Variants in NCAM1 observed in about 807,000 individuals in gnomAD.
NCAM1 encodes the protein antigen recognized by monoclonal antibody 5.1H11.
NCAM1 carries 14 observed loss-of-function variants against 109.8 expected under a neutral mutation model. The observed-to-expected ratio is 0.13, with a 90% CI of 0.08 to 0.20. The LOEUF is 0.20. Ranked by LOEUF, NCAM1 falls within the 10% of genes least tolerant of loss-of-function variation. The probability of loss-of-function intolerance (pLI) is 1.00; values close to 1 mark genes in which losing one functional copy is unlikely to be tolerated. For synonymous variants in NCAM1, 418 were observed against 442.9 expected, an observed-to-expected ratio of 0.94 and a Z score of 0.70; for missense variants, 774 against 1,109.9, an observed-to-expected ratio of 0.70 and a Z score of 4.30.
At chr11:113,177,714 A>C (rs1006178937) in intron 1 of NCAM1, among the ~76,000 whole-genome samples, 1 of 152,094 alleles carries the variant, frequency 6.6e-6, no homozygotes, top group South Asian at 2.1e-4. Context: ...GATTACAGGC[A>C]TGAGGCACCG....
intron 1 of NCAM1, among the ~76,000 whole-genome samples, chr11:113,074,048 G>A (rs550310094): frequency 2.9e-4 from 44 of 152,238 alleles, no homozygotes; most frequent in Non-Finnish European, 5.0e-4. Flanking sequence ...GAAACACGTC[G>A]GTGTGGAAGT....
At chr11:113,122,613 A>G (rs1014882875) in intron 1 of NCAM1, among the ~76,000 whole-genome samples, 12 of 151,990 alleles carry the variant, frequency 7.9e-5, no homozygotes, top group Admixed American at 3.3e-4. Context: ...TAGAAACCCC[A>G]TCTCTACTAA....
intron 17 of NCAM1, among the ~76,000 whole-genome samples, chr11:113,268,675 A>G (rs1946195464): frequency 6.6e-6 from 1 of 152,144 alleles, no homozygotes; most frequent in Non-Finnish European, 1.5e-5. Context: ...AGCCATCAAT[A>G]CCACCACCCT....
intron 1 of NCAM1, among the ~76,000 whole-genome samples, chr11:113,134,230 A>G (rs1403359222): frequency 6.6e-6 from 1 of 152,192 alleles, no homozygotes; most frequent in African/African-American, 2.4e-5. Flanking sequence ...GTGGACTCAC[A>G]TAGTATTTGT....
intron 1 of NCAM1, among the ~76,000 whole-genome samples, chr11:113,192,805 T>G (rs1374210395): frequency 6.6e-6 from 1 of 152,180 alleles, no homozygotes; most frequent in East Asian, 1.9e-4. Flanking sequence ...TTCCTACCTA[T>G]AAAATGAACG....
chr11:112,983,137 A>G (rs1436275473), intron 1 of NCAM1, among the ~76,000 whole-genome samples: 9 of 152,116 alleles, frequency 5.9e-5, no homozygotes, highest in Admixed American at 2.0e-4. Context: ...CCCTTTTTAT[A>G]TGGTGGTACT....
chr11:113,240,592 G>T (rs1945291662), intron 14 of NCAM1: 2 of 608,496 alleles, frequency 3.3e-6, no homozygotes, highest in Non-Finnish European at 2.9e-6. Context: ...CAGTCTCAAG[G>T]TTTGACGTTA....
At chr11:113,263,331 C>T in intron 17 of NCAM1, 3 of 1,003,330 alleles carry the variant, frequency 3.0e-6, no homozygotes, top group Non-Finnish European at 3.6e-6. Flanking sequence ...TTGTTAAAAT[C>T]ACCACACATT....
chr11:113,036,885 G>A (rs533714922), intron 1 of NCAM1, among the ~76,000 whole-genome samples: 1 of 152,144 alleles, frequency 6.6e-6, no homozygotes, highest in East Asian at 1.9e-4. Flanking sequence ...TTGATCCCTG[G>A]CCCAGTCTTT....
At chr11:113,180,225 G>T (rs782175633) in intron 1 of NCAM1, among the ~76,000 whole-genome samples, 2 of 152,224 alleles carry the variant, frequency 1.3e-5, no homozygotes, top group African/African-American at 4.8e-5. Context: ...CTCAGAGGTT[G>T]CAGAGAACAG....
chr11:113,169,050 G>T (rs920066005), intron 1 of NCAM1, among the ~76,000 whole-genome samples: 1 of 104,516 alleles, frequency 9.6e-6, no homozygotes, highest in Non-Finnish European at 2.4e-5. Context: ...GTGTGTGTGT[G>T]TGTGTGTGTG....
chr11:113,098,899 A>G (rs1245658601), intron 1 of NCAM1, among the ~76,000 whole-genome samples: 1 of 152,230 alleles, frequency 6.6e-6, no homozygotes, highest in Non-Finnish European at 1.5e-5. Context: ...AGGACTGGAC[A>G]GTCCTCAGGT....
At chr11:113,113,710 G>A (rs1311789725) in intron 1 of NCAM1, among the ~76,000 whole-genome samples, 2 of 152,068 alleles carry the variant, frequency 1.3e-5, no homozygotes, top group South Asian at 2.1e-4. Flanking sequence ...ACTTTCCAAA[G>A]CTTCATTAGC....
chr11:113,213,545 C>T (rs1318654614), intron 7 of NCAM1, among the ~76,000 whole-genome samples: 1 of 152,188 alleles, frequency 6.6e-6, no homozygotes, highest in Non-Finnish European at 1.5e-5. Context: ...TTAATGCTAA[C>T]ACCCTTCTCC....
chr11:113,216,596 T>C (rs1196452734), intron 8 of NCAM1, among the ~76,000 whole-genome samples: 1 of 152,226 alleles, frequency 6.6e-6, no homozygotes, highest in Non-Finnish European at 1.5e-5. Context: ...CTATAGATCA[T>C]TTGTCTTAAT....
rs1389480369 is a variant in NCAM1 at position 113,000,856 on chromosome 11, A to AAAAATAT, written c.52+39193_52+39194insAAATATA. Among the ~76,000 whole-genome samples the AAAAATAT allele has an allele frequency of 4.6e-3, 204 of 44,608 alleles. 1 individual carries two copies. Among genetic ancestry groups the AAAAATAT allele is most frequent in the Non-Finnish European group, 5.8e-3 (135 of 23,140 alleles). 29.3% of individuals were successfully genotyped at this position (44,608 alleles called of 152,430 possible). ...TATATATATATATATATACACAAAAAATATATATATATATACACATACACG... is the reference window on the plus strand; with the variant it reads ...TATATATATATATATATACACAAAAAAAAATATATATATATATATATACACATACACG... On this transcript the variant is annotated intron_variant, in intron 1 of 19. Transcript: ENST00000316851.
At chr11:113,223,147 C>A (rs187107476) in intron 9 of NCAM1, among the ~76,000 whole-genome samples, 83 of 152,324 alleles carry the variant, frequency 5.4e-4, no homozygotes, top group Admixed American at 1.7e-3. Context: ...CAGAGCTCAT[C>A]TCCTCCTTCT....
Position 113,206,460 on chromosome 11 carries a change from C to T in NCAM1, c.628+280C>T, listed in dbSNP as rs530298814. On this transcript the variant is annotated intron_variant, in intron 5 of 19. Coordinates refer to ENST00000316851, the MANE Select transcript of NCAM1 (RefSeq NM_181351.5). ...CACTAAAAACTTTCCCCCTGCTTAC[C>T]TATTAATCCTCATTGTCCTTGATGT... Among the ~76,000 whole-genome samples, 275 of 150,060 alleles carry T rather than the reference C, an allele frequency of 1.8e-3. 2 individuals are homozygous for T. The highest frequency in any genetic ancestry group is 6.2e-3 in the African/African-American group (256 of 41,014).
chr11:113,161,394 C>A (rs1555104382), intron 1 of NCAM1, among the ~76,000 whole-genome samples: 1 of 152,022 alleles, frequency 6.6e-6, no homozygotes. Flanking sequence ...TTGTTATTGC[C>A]AAACCCTGTG....
Sources: allele counts gnomAD v4.1 joint callset (sites outside exome capture counted in the v4.1 genomes callset), GRCh38; gene constraint gnomAD v4.1.1; transcripts MANE v1.5; gene names NCBI Gene and HGNC (gene_info 2026-07-23, HGNC 2026-07-21).